The following DNPEP variants were observed in gnomAD, a reference collection of about 807,000 sequenced individuals.
The protein encoded by DNPEP is aspartyl aminopeptidase.
A neutral mutation model predicts 59.1 loss-of-function variants in DNPEP; 46 were observed. That is an observed-to-expected ratio of 0.78 (90% CI 0.61 to 0.99). DNPEP has a LOEUF of 0.99. Among genes scored for constraint, DNPEP ranks in the 50% least tolerant of loss-of-function variants. The pLI is 0.00. For synonymous variants in DNPEP, 229 were observed against 242.2 expected, an observed-to-expected ratio of 0.95 and a Z score of 0.50; for missense variants, 617 against 649.9, an observed-to-expected ratio of 0.95 and a Z score of 0.55.
chr2:219,388,361 CG>C (rs1482826964), upstream of DNPEP: 1 of 141,636 alleles, frequency 7.1e-6, no homozygotes, highest in Non-Finnish European at 1.5e-5. Context: ...CTTGTCAGGC[CG>C]TGCCGCCCAC....
At position 219,373,787 on chromosome 2, in the gene DNPEP, CCTTCT is replaced by C. The variant is rs1359692001; in HGVS notation, c.*500_*504del. The C allele has an allele frequency of 6.2e-6, 1 of 160,762 alleles. No homozygotes were observed. Among genetic ancestry groups the C allele is most frequent in the Non-Finnish European group, 1.4e-5 (1 of 73,346 alleles). 10.0% of individuals were successfully genotyped at this position (160,762 alleles called of 1,614,324 possible). ...AAGGGTGATAAGGTATAGACTGTGC[CCTTCT>C]CTTTGCAGCTCCTGAGAGGGGATGG... On this transcript the variant is annotated 3_prime_UTR_variant, in exon 15 of 15. Transcript: ENST00000273075.
At chr2:219,387,337 G>A in intron 1 of DNPEP, 174 bp from the exon 2 acceptor site, 3 of 1,442,566 alleles carry the variant, frequency 2.1e-6, no homozygotes, top group Admixed American at 5.8e-5. Context: ...TCCGTTGAAA[G>A]CTTCAGCCCG....
Position 219,385,955 on chromosome 2 carries a change from G to A in DNPEP, c.590+13C>T, listed in dbSNP as rs1322283816. 1.2e-6 allele frequency: 2 copies of A among 1,613,870 alleles called. No individual in the cohort carries two copies. The highest frequency in any genetic ancestry group is 4.5e-5 in the East Asian group (2 of 44,878). ...CATCCCTCCCAGCCACCGCAGCCCT[G>A]CCCCAGTCTCACAGATGCATCTCTG... On this transcript the variant is annotated intron_variant, in intron 6 of 14. Coordinates refer to ENST00000273075, the MANE Select transcript of DNPEP (RefSeq NM_012100.4).
intron 13 of DNPEP, among the ~76,000 whole-genome samples, chr2:219,378,471 C>A (rs1574973052): frequency 6.6e-6 from 1 of 152,324 alleles, no homozygotes; most frequent in South Asian, 2.1e-4. Flanking sequence ...GGGGGCAGAA[C>A]AATTCAGCTT....
Position 219,386,959 on chromosome 2 carries a change from C to A in DNPEP, c.152G>T (p.Arg51Leu). 1 of 1,613,884 alleles carries A rather than the reference C, an allele frequency of 6.2e-7. No homozygotes were observed. Among genetic ancestry groups the A allele is most frequent in the Non-Finnish European group, 8.5e-7 (1 of 1,179,996 alleles). The change falls in exon 3 of 15, where the codon CGC becomes CTC. Residue 51 changes from arginine (R) to leucine (L), a missense_variant. Physicochemically the swap from Arg to Leu is moderately radical, Grantham distance 102. Transcript: ENST00000273075. ...TTCACTGAAGCCAGCCTGGAGAAGG[C>A]GGTTGCGGCATTCAGCCACAGCTGT... Reference protein sequence around the residue: ...PFHAVAECRNRLLQAGFSELK... With the variant: ...PFHAVAECRNLLLQAGFSELK...
At chr2:219,389,889 G>T (rs545773744), upstream of DNPEP, among the ~76,000 whole-genome samples, 1 of 114,856 alleles carries the variant, frequency 8.7e-6, no homozygotes, top group African/African-American at 3.0e-5. Context: ...GACATGGAGA[G>T]AGCATTCTTG....
upstream of DNPEP, among the ~76,000 whole-genome samples, chr2:219,392,353 T>TAAA (rs1193345391): frequency 6.6e-6 from 1 of 152,114 alleles, no homozygotes; most frequent in Non-Finnish European, 1.5e-5. Context: ...GTCTTTTTTT[T>TAAA]TTTTTTTTAT....
intron 1 of DNPEP, among the ~76,000 whole-genome samples, chr2:219,394,189 G>T (rs1954060834): frequency 2.0e-5 from 3 of 152,166 alleles, no homozygotes; most frequent in South Asian, 4.2e-4. Context: ...CTAGAATGAG[G>T]TTTTACCGCT....
upstream of DNPEP, among the ~76,000 whole-genome samples, chr2:219,390,173 A>G (rs1271451591): frequency 6.6e-6 from 1 of 152,024 alleles, no homozygotes; most frequent in African/African-American, 2.4e-5. Context: ...GAAGTGAGAC[A>G]TTGATGAGCT....
At position 219,386,654 on chromosome 2, in the gene DNPEP, G is replaced by C. The variant is rs745875763; in HGVS notation, c.333+11C>G. 6.2e-7 allele frequency: 1 copy of C among 1,606,724 alleles called. No homozygotes were observed. On this transcript the variant is annotated intron_variant, in intron 4 of 14. Transcript: ENST00000273075. ...ATCTCCTCCCACCCCAACACCGTCC[G>C]AGTTCCTTACCCGGAGGCAGGGGCT... is the stretch of plus-strand genomic sequence containing the variant.
intron 12 of DNPEP, 43 bp downstream of exon 12, chr2:219,381,502 C>T: frequency 1.2e-6 from 2 of 1,613,862 alleles, no homozygotes; most frequent in Non-Finnish European, 1.7e-6. Context: ...GCGCTCGGAA[C>T]AGCCAGACCT....
chr2:219,398,864 AC>A (rs568427924), intron 1 of DNPEP, among the ~76,000 whole-genome samples: 41 of 152,178 alleles, frequency 2.7e-4, no homozygotes, highest in African/African-American at 9.2e-4. Context: ...CTTCTGATGC[AC>A]CCCCTCCAGG....
upstream of DNPEP, among the ~76,000 whole-genome samples, chr2:219,389,601 G>A (rs1383359538): frequency 1.3e-5 from 2 of 151,758 alleles, no homozygotes; most frequent in South Asian, 2.1e-4. Context: ...AGGCCGAGGC[G>A]GGTAGATCAC....
At chr2:219,384,190 G>A (rs571654019) in intron 9 of DNPEP, among the ~76,000 whole-genome samples, 176 bp downstream of exon 9, 6 of 152,352 alleles carry the variant, frequency 3.9e-5, no homozygotes, top group South Asian at 2.1e-4. Context: ...CAAAGGTGGC[G>A]ATGCTGAGGC....
At chr2:219,378,395 C>T (rs566267845) in intron 13 of DNPEP, among the ~76,000 whole-genome samples, 4 of 152,204 alleles carry the variant, frequency 2.6e-5, no homozygotes, top group African/African-American at 9.7e-5. Context: ...GGGACCCTCC[C>T]ATAGCTGCCT....
At chr2:219,387,673 G>A in intron 1 of DNPEP, 86 bp downstream of exon 1, 2 of 1,585,784 alleles carry the variant, frequency 1.3e-6, no homozygotes, top group Non-Finnish European at 1.7e-6. Context: ...CGGCCCCACT[G>A]CAGCACCGCG....
chr2:219,389,229 T>C (rs1574996799), upstream of DNPEP, among the ~76,000 whole-genome samples: 1 of 151,326 alleles, frequency 6.6e-6, no homozygotes, highest in Non-Finnish European at 1.5e-5. Flanking sequence ...ATGTCAGGAG[T>C]AGTGAGTAGC....
At chr2:219,377,009 C>T (rs1487023233) in intron 13 of DNPEP, among the ~76,000 whole-genome samples, 1 of 152,108 alleles carries the variant, frequency 6.6e-6, no homozygotes, top group Non-Finnish European at 1.5e-5. Context: ...CACGGTGGCT[C>T]ACACCTGTAA....
upstream of DNPEP, among the ~76,000 whole-genome samples, chr2:219,391,673 T>G (rs2125150570): frequency 6.6e-6 from 1 of 152,294 alleles, no homozygotes; most frequent in South Asian, 2.1e-4. Context: ...AGCACACTAT[T>G]CCACCCGTAC....
Sources: allele counts gnomAD v4.1 joint callset (sites outside exome capture counted in the v4.1 genomes callset), GRCh38; gene constraint gnomAD v4.1.1; transcripts MANE v1.5; gene names NCBI Gene and HGNC (gene_info 2026-07-23, HGNC 2026-07-21).